Variants in DCX observed in about 807,000 individuals in gnomAD.
DCX encodes neuronal migration protein doublecortin.
DCX carries 4 observed loss-of-function variants against 20.9 expected under a neutral mutation model. The observed-to-expected ratio is 0.19, with a 90% CI of 0.09 to 0.44. The LOEUF is 0.44. DCX is among the 20% of genes least tolerant of loss of function. The pLI, the probability that DCX is intolerant of heterozygous loss-of-function variation, is 0.99. For synonymous variants in DCX, 103 were observed against 111.4 expected (o/e 0.92, Z 0.47); for missense variants, 133 against 296.9 (o/e 0.45, Z 4.06).
intron 3 of DCX, among the ~76,000 whole-genome samples, chrX:111,376,148 A>G (rs1427898883): frequency 8.9e-6 from 1 of 112,159 alleles, no homozygotes; most frequent in Admixed American, 9.5e-5. Context: ...TTTTTTAAGG[A>G]AAAGTTAGAA....
chrX:111,408,593 C>A (rs963960922), intron 2 of DCX, among the ~76,000 whole-genome samples: 16 of 99,987 alleles, frequency 1.6e-4, no homozygotes, highest in African/African-American at 5.3e-4. Flanking sequence ...AAGAGCGAAA[C>A]TCTGTGAAAG....
chrX:111,388,238 A>C (rs1328507761), intron 3 of DCX, among the ~76,000 whole-genome samples: 1 of 111,276 alleles, frequency 9.0e-6, no homozygotes, highest in African/African-American at 3.3e-5. Flanking sequence ...TTTTCCTTCT[A>C]TAGTTTATAT....
intron 5 of DCX, among the ~76,000 whole-genome samples, chrX:111,317,564 G>C (rs774261076): frequency 9.0e-6 from 1 of 110,771 alleles, no homozygotes; most frequent in African/African-American, 3.3e-5. Context: ...TGACAAATAG[G>C]ATCTAATTAA....
chrX:111,372,821 C>T (rs767746316), intron 3 of DCX, among the ~76,000 whole-genome samples: 8 of 111,717 alleles, frequency 7.2e-5, no homozygotes, highest in African/African-American at 1.3e-4. Flanking sequence ...TCAATTTAGC[C>T]GGCAGGCAGC....
At chrX:111,391,100 A>G (rs751537220) in intron 3 of DCX, among the ~76,000 whole-genome samples, 1 of 110,937 alleles carries the variant, frequency 9.0e-6, no homozygotes, top group Non-Finnish European at 1.9e-5. Flanking sequence ...CCCAAATTTC[A>G]TGTTGAATTG....
intron 3 of DCX, among the ~76,000 whole-genome samples, chrX:111,359,234 T>C (rs1924001543): frequency 8.9e-6 from 1 of 111,908 alleles, no homozygotes; most frequent in Admixed American, 9.5e-5. Context: ...ACAGAGATTA[T>C]GGATGAATAG....
At position 111,299,603 on chromosome X, in the gene DCX, A is replaced by G. The variant is rs2147566285; in HGVS notation, c.*2084T>C. On this transcript the variant is annotated 3_prime_UTR_variant, in exon 7 of 7. Transcript: ENST00000636035. ...TATGCCCACACCCCCTAATCCAAGTATCACTTTTTCCCAATTAACTACAAA... is the reference window on the plus strand; with the variant it reads ...TATGCCCACACCCCCTAATCCAAGTGTCACTTTTTCCCAATTAACTACAAA... 1 of 111,551 alleles carries G rather than the reference A, an allele frequency of 9.0e-6. No individual in the cohort carries two copies. Among genetic ancestry groups the G allele is most frequent in the African/African-American group, 3.3e-5 (1 of 30,650 alleles). The allele number at this position is 111,551 out of a possible 1,213,427, so 9.2% of individuals were successfully genotyped here.
chrX:111,341,640 C>G (rs1351321720), intron 3 of DCX, among the ~76,000 whole-genome samples: 2 of 111,457 alleles, frequency 1.8e-5, no homozygotes, highest in Non-Finnish European at 3.8e-5. Context: ...GCCAGGTCAC[C>G]TACAGAGGTA....
chrX:111,404,679 T>A (rs1928074184), intron 2 of DCX, among the ~76,000 whole-genome samples: 1 of 111,788 alleles, frequency 8.9e-6, no homozygotes. Flanking sequence ...AATCTTCTCT[T>A]TTCCTTCTCA....
chrX:111,363,515 T>G (rs1489253162), intron 3 of DCX, among the ~76,000 whole-genome samples: 1 of 106,714 alleles, frequency 9.4e-6, no homozygotes, highest in Non-Finnish European at 1.9e-5. Flanking sequence ...CCATACCCAA[T>G]CTGGCCAAAG....
At position 111,339,919 on chromosome X, in the gene DCX, C is replaced by T. The variant is rs767391314; in HGVS notation, c.706-6766G>A. Among the ~76,000 whole-genome samples, 8 of 112,462 alleles carry T rather than the reference C, an allele frequency of 7.1e-5. No individual in the cohort carries two copies. The South Asian group carries it at 1.1e-3, about 16-fold the overall frequency. On this transcript the variant is annotated intron_variant, in intron 3 of 6. Coordinates refer to ENST00000636035, the MANE Select transcript of DCX (RefSeq NM_001195553.2). ...CCACTTTTCTCCCTCTCCCTGGTCA[C>T]GGTACTAGTCTAAAATACACTACAA...
intron 2 of DCX, among the ~76,000 whole-genome samples, chrX:111,407,272 A>C (rs933880895): frequency 1.8e-5 from 2 of 112,046 alleles, no homozygotes; most frequent in Admixed American, 1.9e-4. Context: ...TCTGAGTCCA[A>C]AGACTTCTGT....
chrX:111,387,507 C>T (rs976782099), intron 3 of DCX, among the ~76,000 whole-genome samples: 1 of 111,660 alleles, frequency 9.0e-6, no homozygotes, highest in Admixed American at 9.5e-5. Context: ...GCACAAACAT[C>T]AATTCCCAAC....
chrX:111,350,491 G>A (rs752903508), intron 3 of DCX, among the ~76,000 whole-genome samples: 1 of 111,564 alleles, frequency 9.0e-6, no homozygotes, highest in Middle Eastern at 4.6e-3. Context: ...CGAAACTGAG[G>A]GTCAACCAAG....
At position 111,301,183 on chromosome X, in the gene DCX, G is replaced by A. The variant is rs2095033095; in HGVS notation, c.*504C>T. 1 of 122,546 alleles carries A rather than the reference G, an allele frequency of 8.2e-6. No individual in the cohort carries two copies. 10.1% of individuals were successfully genotyped at this position (122,546 alleles called of 1,213,427 possible). A position where few individuals can be genotyped will look rare whatever the true frequency, so the allele number is the denominator to read the frequency against. On this transcript the variant is annotated 3_prime_UTR_variant, in exon 7 of 7. Transcript: ENST00000636035. ...CCCGGGCCTCAATCAGGAGTGAAGA[G>A]TGAGGCTGGGGAGCTGCCTTGCTGT...
At chrX:111,312,523 G>C in intron 6 of DCX, 116 bp downstream of exon 6, 1 of 715,939 alleles carries the variant, frequency 1.4e-6, no homozygotes, top group African/African-American at 2.1e-5. Context: ...AATGAAGCCA[G>C]ATGAAGAAAA....
intron 5 of DCX, among the ~76,000 whole-genome samples, chrX:111,316,680 T>C (rs774204625): frequency 3.6e-5 from 4 of 111,523 alleles, no homozygotes; most frequent in Admixed American, 9.5e-5. Flanking sequence ...AACCCCATAG[T>C]TATCTGCCCA....
At chrX:111,404,522 T>C (rs1928063750) in intron 2 of DCX, among the ~76,000 whole-genome samples, 1 of 112,021 alleles carries the variant, frequency 8.9e-6, no homozygotes, top group Non-Finnish European at 1.9e-5. Context: ...CAGACCTGGA[T>C]TCAAATCTCA....
intron 3 of DCX, among the ~76,000 whole-genome samples, chrX:111,359,222 G>A (rs1924000590): frequency 9.0e-6 from 1 of 111,724 alleles, no homozygotes; most frequent in African/African-American, 3.3e-5. Context: ...TAAATCCATG[G>A]AACAGAGATT....
Sources: gnomAD v4.1 joint callset for allele counts (sites outside exome capture counted in the v4.1 genomes callset) on GRCh38, gnomAD v4.1.1 for gene constraint, MANE v1.5 for transcripts, NCBI Gene and HGNC (gene_info 2026-07-23, HGNC 2026-07-21) for gene names.